The following KDM4B variants were observed in gnomAD, a reference collection of about 807,000 sequenced individuals.
KDM4B encodes lysine demethylase 4B.
In KDM4B, 32 loss-of-function variants were observed where a neutral mutation model predicts 125.2. The ratio of observed to expected loss-of-function variants is 0.26; its 90% confidence interval spans 0.19 to 0.34. The LOEUF (loss-of-function observed/expected upper bound fraction) is 0.34, where lower values mean the gene tolerates loss of function less well. KDM4B is among the 10% of genes least tolerant of loss of function. The pLI is 1.00. For synonymous variants in KDM4B, 721 were observed against 677.9 expected, an observed-to-expected ratio of 1.06 and a Z score of -0.99; for missense variants, 1,190 against 1,577.7, an observed-to-expected ratio of 0.75 and a Z score of 4.16.
chr19:5,127,981 C>G (rs576078103), intron 11 of KDM4B, among the ~76,000 whole-genome samples: 28 of 152,288 alleles, frequency 1.8e-4, no homozygotes, highest in Non-Finnish European at 2.8e-4. Context: ...GGCTCTGTGT[C>G]TCTGGCCCCA....
intron 6 of KDM4B, among the ~76,000 whole-genome samples, chr19:5,068,535 C>T (rs1449065598): frequency 6.6e-6 from 1 of 152,236 alleles, no homozygotes; most frequent in Non-Finnish European, 1.5e-5. Flanking sequence ...TAAGCCGTGT[C>T]CTGGCACTTT....
At position 5,097,862 on chromosome 19, in the gene KDM4B, G is replaced by A. The variant is rs948462378; in HGVS notation, c.919-12760G>A. 6.6e-5 allele frequency among the ~76,000 whole-genome samples: 10 copies of A among 152,280 alleles called. No homozygotes were observed. In the South Asian group the frequency reaches 8.3e-4, roughly 13 times the overall value. On this transcript the variant is annotated intron_variant, in intron 9 of 22. Coordinates refer to ENST00000159111, the MANE Select transcript of KDM4B (RefSeq NM_015015.3). ...GTGCCCAGCAAGGATGATTCCCCTC[G>A]GCCACCAGTGAGATGGGAACCCTCC...
At chr19:5,028,743 C>T (rs531782818) in intron 2 of KDM4B, among the ~76,000 whole-genome samples, 116 of 152,268 alleles carry the variant, frequency 7.6e-4, no homozygotes, top group Non-Finnish European at 1.4e-3. Flanking sequence ...ACAGTGTCAC[C>T]GTCTGTCATT....
intron 10 of KDM4B, chr19:5,113,850 C>CAA: frequency 1.0e-6 from 1 of 976,960 alleles, no homozygotes; most frequent in Non-Finnish European, 1.2e-6. Flanking sequence ...TCCCTGCCCT[C>CAA]GGCGTGGCTG....
chr19:5,112,868 GC>G, intron 10 of KDM4B: 1 of 152,634 alleles, frequency 6.6e-6, no homozygotes, highest in Non-Finnish European at 1.5e-5. Flanking sequence ...ACTCCAGGCG[GC>G]CCCCGCAGCA....
At chr19:5,003,349 C>T (rs1248501380) in intron 1 of KDM4B, among the ~76,000 whole-genome samples, 8 of 151,870 alleles carry the variant, frequency 5.3e-5, no homozygotes, top group African/African-American at 1.7e-4. Context: ...GGTGTGGTGG[C>T]GCATGCCTGT....
chr19:5,088,641 A>C lies in KDM4B; in HGVS notation c.918+6137A>C, dbSNP rs551529706. ...TCCCTGAGGGGGCCCCTGAGGCTGC[A>C]GGGGACAGGCCAGGCCCCCCCCCTC... is the stretch of plus-strand genomic sequence containing the variant. On this transcript the variant is annotated intron_variant, in intron 9 of 22. Transcript: ENST00000159111. Among the ~76,000 whole-genome samples the C allele has an allele frequency of 1.6e-3, 228 of 147,012 alleles. 8 individuals carry two copies. The East Asian group carries it at 0.045, about 29-fold the overall frequency.
intron 9 of KDM4B, among the ~76,000 whole-genome samples, chr19:5,106,446 C>T (rs995135941): frequency 6.6e-6 from 1 of 152,200 alleles, no homozygotes; most frequent in African/African-American, 2.4e-5. Flanking sequence ...CTCCTCCTTG[C>T]ATCCTCCTGA....
At chr19:4,988,699 G>A (rs2034930764) in intron 1 of KDM4B, among the ~76,000 whole-genome samples, 1 of 152,156 alleles carries the variant, frequency 6.6e-6, no homozygotes, top group Admixed American at 6.5e-5. Flanking sequence ...CATGTGTAGG[G>A]TGAGGGATGT....
intron 6 of KDM4B, among the ~76,000 whole-genome samples, chr19:5,055,505 G>A (rs916507734): frequency 1.3e-5 from 2 of 152,244 alleles, no homozygotes; most frequent in African/African-American, 2.4e-5. Context: ...AGCAGGCACC[G>A]TTGCCCATGG....
intron 1 of KDM4B, among the ~76,000 whole-genome samples, chr19:5,012,313 G>A (rs942184087): frequency 5.9e-5 from 9 of 152,172 alleles, no homozygotes; most frequent in Non-Finnish European, 1.0e-4. Context: ...CCCCCCACCC[G>A]TTTTCCTTGT....
At chr19:5,087,124 T>C (rs1333531859) in intron 9 of KDM4B, among the ~76,000 whole-genome samples, 4 of 152,238 alleles carry the variant, frequency 2.6e-5, no homozygotes, top group African/African-American at 9.6e-5. Context: ...AGGCCGGCAC[T>C]TGTGGCCTAA....
At chr19:5,091,692 G>A (rs138503211) in intron 9 of KDM4B, among the ~76,000 whole-genome samples, 2,199 of 150,628 alleles carry the variant, frequency 0.015, 96 homozygotes, top group Admixed American at 0.079. Flanking sequence ...CCTGCTCCAG[G>A]TGATTAACCC....
intron 9 of KDM4B, among the ~76,000 whole-genome samples, chr19:5,100,611 GTCTCGCCA>G: frequency 6.6e-6 from 1 of 152,204 alleles, no homozygotes; most frequent in East Asian, 1.9e-4. Context: ...TAGAGATGGG[GTCTCGCCA>G]TGTTGCCCAG....
chr19:5,035,285 C>T lies in KDM4B; in HGVS notation c.141+2254C>T, dbSNP rs768236088. Among the ~76,000 whole-genome samples, 1 of 152,150 alleles carries T rather than the reference C, an allele frequency of 6.6e-6. No homozygotes were observed. The highest frequency in any genetic ancestry group is 1.5e-5 in the Non-Finnish European group (1 of 68,016). Reference sequence around the variant, plus strand: ...CTGTCTCCTGCCCTTGACCTACTTCCACATTTCCCAGGATGCAGCAGCCCT... The same window carrying T: ...CTGTCTCCTGCCCTTGACCTACTTCTACATTTCCCAGGATGCAGCAGCCCT... On this transcript the variant is annotated intron_variant, in intron 3 of 22. Transcript: ENST00000159111. The surrounding 1 kb of genome is among the most constrained non-coding windows in gnomAD (Gnocchi z 5.3).
At chr19:5,116,952 G>A (rs996164281) in intron 10 of KDM4B, among the ~76,000 whole-genome samples, 2 of 152,190 alleles carry the variant, frequency 1.3e-5, no homozygotes, top group African/African-American at 4.8e-5. Flanking sequence ...ACACGCGAAG[G>A]GGGATGAAGA....
chr19:5,042,682 G>C (rs372762610), intron 5 of KDM4B, among the ~76,000 whole-genome samples: 12 of 141,292 alleles, frequency 8.5e-5, no homozygotes, highest in African/African-American at 2.4e-4. Context: ...GAGAGAGTGA[G>C]GGGGGGGGCG....
chr19:5,067,478 G>T (rs1014306024), intron 6 of KDM4B, among the ~76,000 whole-genome samples: 2 of 152,220 alleles, frequency 1.3e-5, no homozygotes, highest in Non-Finnish European at 2.9e-5. Context: ...TCTGAAGATG[G>T]TAGAAGGGAG....
At chr19:5,123,787 G>A (rs1210660021) in intron 11 of KDM4B, among the ~76,000 whole-genome samples, 5 of 152,190 alleles carry the variant, frequency 3.3e-5, no homozygotes, top group East Asian at 3.9e-4. Context: ...GGCTGGCTGC[G>A]GTAGCCAGGC....
Sources: allele counts gnomAD v4.1 joint callset (sites outside exome capture counted in the v4.1 genomes callset), GRCh38; gene constraint gnomAD v4.1.1; non-coding constraint Gnocchi (gnomAD v3.1); transcripts MANE v1.5; gene names NCBI Gene and HGNC (gene_info 2026-07-23, HGNC 2026-07-21).